GRM7: variants seen among roughly 807,000 people sequenced by gnomAD.
The protein encoded by GRM7 is glutamate metabotropic receptor 7.
Under a neutral mutation model 84.5 loss-of-function variants are expected in GRM7, and 35 were observed. The ratio of observed to expected loss-of-function variants is 0.41; its 90% CI spans 0.32 to 0.55. The LOEUF is 0.55. GRM7 is among the 20% of genes least tolerant of loss of function. GRM7 has a pLI of 0.19. For synonymous variants in GRM7, 487 were observed against 455.1 expected (o/e 1.07, Z -0.89); for missense variants, 1,003 against 1,194.6 (o/e 0.84, Z 2.36).
At chr3:6,916,965 G>A (rs956237286) in intron 1 of GRM7, among the ~76,000 whole-genome samples, 10 of 152,108 alleles carry the variant, frequency 6.6e-5, no homozygotes, top group African/African-American at 2.4e-4. Flanking sequence ...ACCCTTAGGA[G>A]TTTTCAAAAT....
intron 7 of GRM7, among the ~76,000 whole-genome samples, chr3:7,481,351 C>T (rs1362312023): frequency 3.9e-5 from 6 of 152,130 alleles, no homozygotes; most frequent in Non-Finnish European, 5.9e-5. Flanking sequence ...CCTCGGCCTC[C>T]CAAAGTGCTG....
rs183607573 is a variant in GRM7, at chr3:7,221,940, G to A, written c.736+75272G>A. On this transcript the variant is annotated intron_variant, in intron 2 of 9. Coordinates refer to ENST00000357716, the MANE Select transcript of GRM7 (RefSeq NM_000844.4). The stretch of plus-strand genomic sequence containing the variant: ...TCCTGGCTCAGCCTCCCAAGTAGCT[G>A]GGATTATAGGCACCCGCTACCACAC... Among the ~76,000 whole-genome samples the A allele has an allele frequency of 4.7e-4, 71 of 151,374 alleles. 1 individual carries two copies. The East Asian group carries it at 0.013, about 29-fold the overall frequency.
intron 4 of GRM7, among the ~76,000 whole-genome samples, chr3:7,361,542 T>C (rs1693664192): frequency 6.6e-6 from 1 of 152,086 alleles, no homozygotes; most frequent in Non-Finnish European, 1.5e-5. Context: ...TTCTGTTTTA[T>C]TTGTTACTTG....
chr3:7,455,464 CA>C (rs1211384486), intron 6 of GRM7, among the ~76,000 whole-genome samples: 10 of 152,118 alleles, frequency 6.6e-5, no homozygotes, highest in Admixed American at 2.0e-4. Context: ...TCAAGGTGGA[CA>C]TCATCACTTA....
intron 8 of GRM7, among the ~76,000 whole-genome samples, chr3:7,642,686 G>A (rs564346201): frequency 1.3e-5 from 2 of 152,260 alleles, no homozygotes; most frequent in South Asian, 4.1e-4. Context: ...TCCAGGCTCA[G>A]TCTCACTTGA....
intron 1 of GRM7, among the ~76,000 whole-genome samples, chr3:7,028,608 C>G (rs1195622087): frequency 6.6e-6 from 1 of 152,148 alleles, no homozygotes; most frequent in East Asian, 1.9e-4. Context: ...CACTGGATAT[C>G]AGGCAGTTAA....
intron 4 of GRM7, among the ~76,000 whole-genome samples, chr3:7,384,825 A>G (rs1240142900): frequency 6.6e-6 from 1 of 152,164 alleles, no homozygotes; most frequent in Non-Finnish European, 1.5e-5. Context: ...AAGGGCATCT[A>G]TCAGCTTTGC....
At chr3:7,350,944 C>T (rs1377343678) in intron 4 of GRM7, among the ~76,000 whole-genome samples, 2 of 152,024 alleles carry the variant, frequency 1.3e-5, no homozygotes, top group Non-Finnish European at 2.9e-5. Context: ...TCTCTGAGGT[C>T]TGTAGAAGAT....
chr3:6,998,632 G>A (rs1455230608), intron 1 of GRM7, among the ~76,000 whole-genome samples: 2 of 152,228 alleles, frequency 1.3e-5, no homozygotes, highest in Non-Finnish European at 2.9e-5. Flanking sequence ...CCTGGGCATC[G>A]AGGTGTTTCC....
intron 1 of GRM7, among the ~76,000 whole-genome samples, chr3:6,898,085 C>T (rs1373504351): frequency 6.6e-6 from 1 of 152,164 alleles, no homozygotes; most frequent in Non-Finnish European, 1.5e-5. Context: ...AAGGCAAGGA[C>T]ATCCATCAAG....
chr3:7,392,088 C>G (rs938453672), intron 4 of GRM7, among the ~76,000 whole-genome samples: 2 of 152,172 alleles, frequency 1.3e-5, no homozygotes, highest in African/African-American at 4.8e-5. Context: ...ACTGTGCTAT[C>G]CCCTCCTTTG....
At chr3:7,563,620 A>T (rs1035120436) in intron 7 of GRM7, among the ~76,000 whole-genome samples, 1 of 152,204 alleles carries the variant, frequency 6.6e-6, no homozygotes, top group Non-Finnish European at 1.5e-5. Flanking sequence ...AAATAAAATA[A>T]TATAAATAGG....
At chr3:7,033,708 C>T (rs1240433) in intron 1 of GRM7, among the ~76,000 whole-genome samples, 90,161 of 151,944 alleles carry the variant, frequency 0.59, 28,972 homozygotes, top group African/African-American at 0.85. Context: ...ATAAGCAGAA[C>T]AGGATGGCTA....
chr3:7,354,030 CAG>C (rs1559260299), intron 4 of GRM7, among the ~76,000 whole-genome samples: 1 of 152,120 alleles, frequency 6.6e-6, no homozygotes, highest in Non-Finnish European at 1.5e-5. Context: ...ATCATAAAAA[CAG>C]AGAATTTTTA....
intron 2 of GRM7, among the ~76,000 whole-genome samples, chr3:7,252,478 C>T (rs747690008): frequency 6.6e-6 from 1 of 152,076 alleles, no homozygotes; most frequent in Non-Finnish European, 1.5e-5. Context: ...CTTTGAGAAT[C>T]TGATGGGTGC....
intron 2 of GRM7, among the ~76,000 whole-genome samples, chr3:7,257,258 T>G (rs1698243237): frequency 6.6e-6 from 1 of 152,240 alleles, no homozygotes; most frequent in South Asian, 2.1e-4. Context: ...AGTATCCTTT[T>G]TATGACATCA....
At position 7,645,828 on chromosome 3, in the gene GRM7, C is replaced by T. The variant is rs550948796; in HGVS notation, c.2452-34221C>T. ...GTGGTCATCTTCCCCAATCTGACCC[C>T]AATTTTCCTTTCCATGTCCAAAGTC... On this transcript the variant is annotated intron_variant, in intron 8 of 9. Coordinates refer to ENST00000357716, the MANE Select transcript of GRM7 (RefSeq NM_000844.4). 7.9e-4 allele frequency among the ~76,000 whole-genome samples: 120 copies of T among 152,268 alleles called. 1 individual carries two copies. Among genetic ancestry groups the T allele is most frequent in the South Asian group, 5.8e-3 (28 of 4,820 alleles).
chr3:7,223,000 T>C (rs1300609069), intron 2 of GRM7, among the ~76,000 whole-genome samples: 1 of 152,198 alleles, frequency 6.6e-6, no homozygotes, highest in Non-Finnish European at 1.5e-5. Flanking sequence ...TTTTGATTCA[T>C]GTTACTAAAC....
chr3:7,696,551 A>G (rs1701027970), intron 9 of GRM7, among the ~76,000 whole-genome samples: 1 of 152,204 alleles, frequency 6.6e-6, no homozygotes, highest in Admixed American at 6.5e-5. Context: ...TAAATATTCA[A>G]GGATATGAAC....
Sources: gnomAD v4.1 joint callset for allele counts (sites outside exome capture counted in the v4.1 genomes callset) on GRCh38, gnomAD v4.1.1 for gene constraint, MANE v1.5 for transcripts, NCBI Gene and HGNC (gene_info 2026-07-23, HGNC 2026-07-21) for gene names.